The following SOX6 variants were observed in gnomAD, a reference collection of about 807,000 sequenced individuals.
SOX6 encodes transcription factor SOX-6.
Under a neutral mutation model 97.8 loss-of-function variants are expected in SOX6, and 11 were observed. The observed-to-expected ratio is 0.11, with a 90% confidence interval of 0.07 to 0.19. SOX6 has a LOEUF of 0.19. Among genes scored for constraint, SOX6 ranks in the 10% least tolerant of loss-of-function variants. The pLI is 1.00. For missense variants in SOX6, 810 were observed against 1,039.5 expected, an observed-to-expected ratio of 0.78 and a Z score of 3.04; for synonymous variants, 360 against 371.4, an observed-to-expected ratio of 0.97 and a Z score of 0.35.
intron 6 of SOX6, among the ~76,000 whole-genome samples, chr11:16,138,451 ATGC>A (rs1300518767): frequency 2.0e-4 from 31 of 152,252 alleles, no homozygotes; most frequent in African/African-American, 7.5e-4. Flanking sequence ...ATGTGTCATC[ATGC>A]CTTCTTAGTA....
At chr11:16,119,548 G>A (rs1343429705) in intron 6 of SOX6, among the ~76,000 whole-genome samples, 1 of 152,136 alleles carries the variant, frequency 6.6e-6, no homozygotes. Context: ...TAAGTTGACT[G>A]TCCCAAATGG....
Position 16,642,417 on chromosome 11 carries a change from G to T in SOX6, n.430-30157C>A, listed in dbSNP as rs535169351. On this transcript the variant is annotated intron_variant and non_coding_transcript_variant, in intron 3 of 5. Coordinates refer to the SOX6 transcript ENST00000524520. ...GTCTTGGAGTTGCTCTTCTTGAGGA[G>T]TATCTTTGTGGTGTTCTCTGTATTT... Among the ~76,000 whole-genome samples, 5 of 152,250 alleles carry T rather than the reference G, an allele frequency of 3.3e-5. No individual in the cohort carries two copies. In the South Asian group the frequency reaches 1.0e-3, roughly 32 times the overall value.
intron 2 of SOX6, among the ~76,000 whole-genome samples, chr11:16,327,122 C>T (rs968803026): frequency 6.6e-6 from 1 of 152,132 alleles, no homozygotes; most frequent in Non-Finnish European, 1.5e-5. Context: ...CGCTGTATAA[C>T]TGTCACTGCA....
In SOX6 at chr11:16,543,253, A is replaced by G. The variant is rs1189655437; in HGVS notation, n.610-66865T>C. On this transcript the variant is annotated intron_variant and non_coding_transcript_variant, in intron 4 of 5. Coordinates refer to the SOX6 transcript ENST00000524520. Reference sequence around the variant, plus strand: ...AATGAGCATGCAACTTTCTTGGAATACATTTACTGTGTAGAACAATATATA... The same window carrying G: ...AATGAGCATGCAACTTTCTTGGAATGCATTTACTGTGTAGAACAATATATA... Among the ~76,000 whole-genome samples the G allele has an allele frequency of 5.3e-5, 8 of 152,186 alleles. No homozygotes were observed. The East Asian group carries it at 1.5e-3, about 29-fold the overall frequency.
chr11:16,025,333 CA>C (rs1855185423), intron 12 of SOX6, among the ~76,000 whole-genome samples: 2 of 152,092 alleles, frequency 1.3e-5, no homozygotes, highest in African/African-American at 2.4e-5. Flanking sequence ...AAAAAGTTCA[CA>C]AAAAGTCCCA....
At chr11:16,426,884 A>G (rs1859150368) in intron 1 of SOX6, among the ~76,000 whole-genome samples, 1 of 126,986 alleles carries the variant, frequency 7.9e-6, no homozygotes, top group Non-Finnish European at 1.6e-5. Flanking sequence ...ACTGCACTCC[A>G]GCCTGGGCGA....
intron 1 of SOX6, among the ~76,000 whole-genome samples, chr11:16,343,693 G>T (rs1477826824): frequency 6.6e-6 from 1 of 151,848 alleles, no homozygotes; most frequent in Non-Finnish European, 1.5e-5. Flanking sequence ...AATGGGGAGT[G>T]TTAATTGAAA....
chr11:16,597,244 A>C (rs1054083401), intron 4 of SOX6, among the ~76,000 whole-genome samples: 1 of 152,010 alleles, frequency 6.6e-6, no homozygotes, highest in Non-Finnish European at 1.5e-5. Flanking sequence ...TACTGATCAT[A>C]TAACTATTGT....
chr11:15,967,163 G>C lies in SOX6; in HGVS notation c.*5646C>G, dbSNP rs937863654. On this transcript the variant is annotated 3_prime_UTR_variant, in exon 16 of 16. Transcript: ENST00000683767. ...ATTGCCCAAATAGTTACCAGCCATG[G>C]GCCAAGTAGGTACCTGCATTATACA... The C allele has an allele frequency of 6.6e-5, 10 of 151,870 alleles. No homozygotes were observed. The highest frequency in any genetic ancestry group is 2.4e-4 in the African/African-American group (10 of 41,318). 9.4% of individuals were successfully genotyped at this position (151,870 alleles called of 1,614,324 possible). A position where few individuals can be genotyped will look rare whatever the true frequency, so the allele number is the denominator to read the frequency against.
upstream of SOX6, among the ~76,000 whole-genome samples, chr11:16,479,984 TA>T (rs1860314840): frequency 6.6e-6 from 1 of 152,100 alleles, no homozygotes; most frequent in African/African-American, 2.4e-5. Flanking sequence ...TTGTGCTACA[TA>T]CATATAACAC....
At chr11:16,375,735 G>GT (rs1857625065) in intron 1 of SOX6, among the ~76,000 whole-genome samples, 1 of 152,028 alleles carries the variant, frequency 6.6e-6, no homozygotes, top group Admixed American at 6.6e-5. Flanking sequence ...ACATACACAC[G>GT]TATGTTTATT....
chr11:16,389,840 G>A (rs1858109765), intron 1 of SOX6, among the ~76,000 whole-genome samples: 1 of 151,540 alleles, frequency 6.6e-6, no homozygotes, highest in Non-Finnish European at 1.5e-5. Context: ...CATGGTGGCA[G>A]GTGCCTGTAG....
intron 4 of SOX6, among the ~76,000 whole-genome samples, chr11:16,570,488 C>T (rs747619965): frequency 1.3e-5 from 2 of 152,118 alleles, no homozygotes; most frequent in African/African-American, 4.8e-5. Flanking sequence ...TTCCCAGAAG[C>T]CTTTTATTTA....
At chr11:16,619,053 T>A (rs1408244434) in intron 3 of SOX6, among the ~76,000 whole-genome samples, 1 of 152,032 alleles carries the variant, frequency 6.6e-6, no homozygotes, top group Non-Finnish European at 1.5e-5. Context: ...AGCCAGGTGT[T>A]AGCTGTCTAC....
chr11:16,235,332 C>G (rs1188646558), intron 3 of SOX6, among the ~76,000 whole-genome samples: 1 of 151,936 alleles, frequency 6.6e-6, no homozygotes, highest in Non-Finnish European at 1.5e-5. Flanking sequence ...AAATAGCATA[C>G]TAAAATACAG....
At chr11:16,180,834 T>G (rs1851328000) in intron 6 of SOX6, among the ~76,000 whole-genome samples, 1 of 151,796 alleles carries the variant, frequency 6.6e-6, no homozygotes, top group Non-Finnish European at 1.5e-5. Context: ...AAGGAAGACA[T>G]ATAAATAAAA....
rs1848321367 is a variant in SOX6 at position 16,728,135 on chromosome 11, G to C, written n.353+8204C>G. 2.0e-5 allele frequency among the ~76,000 whole-genome samples: 3 copies of C among 152,158 alleles called. No individual in the cohort carries two copies. The South Asian group carries it at 6.2e-4, about 32-fold the overall frequency. On this transcript the variant is annotated intron_variant and non_coding_transcript_variant, in intron 2 of 5. Transcript: ENST00000524520. The stretch of plus-strand genomic sequence containing the variant: ...CCCATCTCCCTGGGACAGAACACCT[G>C]GGGGAAGGGGCACCTGTGGGCGCAG...
At chr11:16,009,821 A>C (rs768951856) in intron 13 of SOX6, among the ~76,000 whole-genome samples, 1 of 152,042 alleles carries the variant, frequency 6.6e-6, no homozygotes, top group South Asian at 2.1e-4. Flanking sequence ...TAGCATTTAA[A>C]TCCCACCCCA....
At chr11:16,420,290 G>T (rs1468849582) in intron 1 of SOX6, among the ~76,000 whole-genome samples, 1 of 152,146 alleles carries the variant, frequency 6.6e-6, no homozygotes, top group African/African-American at 2.4e-5. Context: ...GTCTAATTCT[G>T]GATTGCATTT....
Sources: allele counts gnomAD v4.1 joint callset (sites outside exome capture counted in the v4.1 genomes callset), GRCh38; gene constraint gnomAD v4.1.1; transcripts MANE v1.5; gene names NCBI Gene and HGNC (gene_info 2026-07-23, HGNC 2026-07-21).